ECM1: variants seen among roughly 807,000 people sequenced by gnomAD.
The protein encoded by ECM1 is extracellular matrix protein 1.
A neutral mutation model predicts 57.9 loss-of-function variants in ECM1; 54 were observed. The ratio of observed to expected loss-of-function variants is 0.93; its 90% CI spans 0.75 to 1.17. The LOEUF is 1.17. Among genes scored for constraint, ECM1 ranks in the 50% most tolerant of loss-of-function variants. ECM1 has a pLI of 0.00. For synonymous variants in ECM1, 237 were observed against 259.1 expected, an observed-to-expected ratio of 0.91 and a Z score of 0.82; for missense variants, 649 against 688.1, an observed-to-expected ratio of 0.94 and a Z score of 0.64.
Position 150,510,914 on chromosome 1 carries a change from C to A in ECM1, c.424C>A (p.Pro142Thr), listed in dbSNP as rs1161614941. Residue 142 changes from proline to threonine, a missense_variant, in exon 6 of 10, where the codon CCT (proline) becomes ACT (threonine). Coordinates refer to ENST00000369047, the MANE Select transcript of ECM1 (RefSeq NM_004425.4). ...APFGDQSHPE[P>T]ESWNAAQHCQ... The stretch of plus-strand genomic sequence containing the variant: ...ATTTGGGGACCAGAGCCATCCAGAA[C>A]CTGAGTCCTGGAATGCAGCCCAGCA... The A allele has an allele frequency of 1.2e-6, 2 of 1,614,186 alleles. No individual in the cohort carries two copies. Among genetic ancestry groups the A allele is most frequent in the East Asian group, 2.2e-5 (1 of 44,888 alleles).
At position 150,510,962 on chromosome 1, in the gene ECM1, G is replaced by A. The variant is rs1349617826; in HGVS notation, c.472G>A (p.Gly158Arg). 14 of 1,614,050 alleles carry A rather than the reference G, an allele frequency of 8.7e-6. No homozygotes were observed. The South Asian group carries it at 1.2e-4, about 14-fold the overall frequency. The change falls in exon 6 of 10, where the codon GGG (glycine) becomes AGG (arginine). Residue 158 changes from glycine (G) to arginine (R), a missense_variant. Physicochemically the swap from Gly to Arg is moderately radical, Grantham distance 125. Coordinates refer to ENST00000369047, the MANE Select transcript of ECM1 (RefSeq NM_004425.4). ...AQHCQQDRSQGGWGHRLDGFP... is the reference protein window; with the variant it reads ...AQHCQQDRSQRGWGHRLDGFP... ...GCACTGCCAACAGGACCGGTCCCAAGGGGGCTGGGGCCACCGGCTGGATGG... is the reference window on the plus strand; with the variant it reads ...GCACTGCCAACAGGACCGGTCCCAAAGGGGCTGGGGCCACCGGCTGGATGG...
chr1:150,510,863 T>A lies in ECM1; in HGVS notation c.386-13T>A, dbSNP rs1670417970. The A allele has an allele frequency of 6.2e-7, 1 of 1,613,626 alleles. No homozygotes were observed. Among genetic ancestry groups the A allele is most frequent in the African/African-American group, 1.3e-5 (1 of 74,934 alleles). On this transcript the variant is annotated splice_polypyrimidine_tract_variant and intron_variant, in intron 5 of 9. Transcript: ENST00000369047. ...TCACATGTCCCCGCTTCCCACTGTT[T>A]TCCCCATTCCAGGAACGCCAGCTCC... is the stretch of plus-strand genomic sequence containing the variant.
At chr1:150,508,367 C>A in intron 1 of ECM1, 88 bp downstream of exon 1, 1 of 1,250,282 alleles carries the variant, frequency 8.0e-7, no homozygotes, top group Non-Finnish European at 1.2e-6. Flanking sequence ...TCATCACTAG[C>A]AGAGTGATTC....
At chr1:150,513,024 A>G (rs1232353618) in intron 9 of ECM1, among the ~76,000 whole-genome samples, 1 of 152,138 alleles carries the variant, frequency 6.6e-6, no homozygotes, top group South Asian at 2.1e-4. Flanking sequence ...TCTCCGGGCC[A>G]CAAGCTTCTG....
At chr1:150,510,333 A>T in intron 5 of ECM1, 151 bp downstream of exon 5, 1 of 742,454 alleles carries the variant, frequency 1.3e-6, no homozygotes, top group East Asian at 2.7e-5. Context: ...TTGTTTCTTC[A>T]TCTGTAAAAT....
At chr1:150,510,210 A>G (rs1206452949) in intron 5 of ECM1, 28 bp downstream of exon 5, 1 of 1,604,064 alleles carries the variant, frequency 6.2e-7, no homozygotes, top group Non-Finnish European at 8.5e-7. Flanking sequence ...TTCTTTACCC[A>G]CCTTTACCTC....
rs1560267703 is a variant in ECM1, at chr1:150,513,443, C to T, written c.1599C>T (p.Ser533=). The change falls in exon 10 of 10, where the codon TCC becomes TCT. Residue 533 remains serine, a synonymous_variant. Transcript: ENST00000369047. ...QGSTGGTNIS[S]TSEPKEE ...CAACTGGAGGAACAAATATCAGCTC[C>T]ACCTCTGAGCCCAAGGAAGAATGAG... 6.2e-7 allele frequency: 1 copy of T among 1,613,552 alleles called. No individual in the cohort carries two copies. Among genetic ancestry groups the T allele is most frequent in the Non-Finnish European group, 8.5e-7 (1 of 1,180,006 alleles).
rs765798418 is a variant in ECM1, at chr1:150,512,851, G to T, written c.1392+39G>T. On this transcript the variant is annotated intron_variant, in intron 9 of 9. Coordinates refer to ENST00000369047, the MANE Select transcript of ECM1 (RefSeq NM_004425.4). Reference sequence around the variant, plus strand: ...GTCTAGTCTCCAGAGGAATGCAGGGGAGGGGAGGGAAAGAGCTAGAACTGC... The same window carrying T: ...GTCTAGTCTCCAGAGGAATGCAGGGTAGGGGAGGGAAAGAGCTAGAACTGC... 1.9e-6 allele frequency: 3 copies of T among 1,603,722 alleles called. No individual in the cohort carries two copies. The Admixed American group carries it at 5.0e-5, about 27-fold the overall frequency.
intron 9 of ECM1, 143 bp downstream of exon 9, chr1:150,512,955 C>A: frequency 1.0e-6 from 1 of 996,806 alleles, no homozygotes; most frequent in Non-Finnish European, 1.5e-6. Context: ...TTTCTTGGTT[C>A]CAGAAAAGTC....
intron 1 of ECM1, 133 bp downstream of exon 1, chr1:150,508,412 G>A: frequency 1.1e-6 from 1 of 903,374 alleles, no homozygotes; most frequent in East Asian, 2.5e-5. Flanking sequence ...CAGGCCCAAA[G>A]TGGGCCTAGG....
At chr1:150,512,298 A>T in intron 7 of ECM1, 54 bp from the exon 8 acceptor site, 1 of 1,586,820 alleles carries the variant, frequency 6.3e-7, no homozygotes, top group Non-Finnish European at 8.6e-7. Flanking sequence ...GTCGATGGTC[A>T]GGAGAGAAGG....
rs1226340378 is a variant in ECM1 at position 150,510,098 on chromosome 1, G to T, written c.305-4G>T. ...TCCTTGGTGCCCTCACCCCTATCTT[G>T]CAGTGGGTCCCCCTCTCCCTCAGGA... is the stretch of plus-strand genomic sequence containing the variant. On this transcript the variant is annotated splice_polypyrimidine_tract_variant and splice_region_variant and intron_variant, in intron 4 of 9. Transcript: ENST00000369047. The T allele has an allele frequency of 1.2e-6, 2 of 1,613,952 alleles. No homozygotes were observed. Among genetic ancestry groups the T allele is most frequent in the South Asian group, 2.2e-5 (2 of 91,084 alleles).
chr1:150,511,095 A>G lies in ECM1; in HGVS notation c.605A>G (p.His202Arg). ...PWNLPQSSYS[H>R]LTRQGETLNF... ...AACCTACCACAGTCCAGCTACTCCC[A>G]CCTCACTCGCCAGGGTGAGACCCTC... The change falls in exon 6 of 10, where the codon CAC (histidine) becomes CGC (arginine). Residue 202 changes from histidine to arginine, a missense_variant. Physicochemically the swap from His to Arg is conservative, Grantham distance 29. Coordinates refer to ENST00000369047, the MANE Select transcript of ECM1 (RefSeq NM_004425.4). 6.2e-7 allele frequency: 1 copy of G among 1,614,014 alleles called. No individual in the cohort carries two copies. Among genetic ancestry groups the G allele is most frequent in the South Asian group, 1.1e-5 (1 of 91,080 alleles).
At chr1:150,509,638 G>C in intron 2 of ECM1, 23 bp from the exon 3 acceptor site, 1 of 1,613,812 alleles carries the variant, frequency 6.2e-7, no homozygotes, top group Non-Finnish European at 8.5e-7. Flanking sequence ...TGTGGGCTCT[G>C]ATGTCTCCCC....
Position 150,512,448 on chromosome 1 carries a change from G to A in ECM1, c.1180G>A (p.Glu394Lys), listed in dbSNP as rs1290435314. ...CCACCCTCCCAGCCCTACTCGGGAT[G>A]AGTGCTTTGCCCGTCGGGCTCCTTA... The part of the protein sequence containing the change: ...CRHPPSPTRD[E>K]CFARRAPYPN... Residue 394 changes from glutamate (E) to lysine (K), a missense_variant, in exon 8 of 10, where the codon GAG (glutamate) becomes AAG (lysine). Transcript: ENST00000369047. The A allele has an allele frequency of 1.2e-6, 2 of 1,613,706 alleles. No homozygotes were observed. The highest frequency in any genetic ancestry group is 1.7e-6 in the Non-Finnish European group (2 of 1,179,964).
At position 150,512,403 on chromosome 1, in the gene ECM1, C is replaced by T; in HGVS notation, c.1135C>T (p.His379Tyr). 1 of 1,613,472 alleles carries T rather than the reference C, an allele frequency of 6.2e-7. No individual in the cohort carries two copies. The part of the protein sequence containing the change: ...YCDREYAVKT[H>Y]HHLCCRHPPS... The stretch of plus-strand genomic sequence containing the variant: ...TGACCGGGAGTATGCTGTGAAGACC[C>T]ACCACCACTTGTGTTGCCGCCACCC... The change falls in exon 8 of 10, where the codon CAC (histidine) becomes TAC (tyrosine). Residue 379 changes from histidine to tyrosine, a missense_variant. Coordinates refer to ENST00000369047, the MANE Select transcript of ECM1 (RefSeq NM_004425.4).
rs373027003 is a variant in ECM1 at position 150,510,009 on chromosome 1, G to T, written c.304+7G>T. ...CTCCCTGCTGAAAAGGAAGGTGAGCGCTTGCCCACCCTCCCTCACCTCTAT... is the reference window on the plus strand; with the variant it reads ...CTCCCTGCTGAAAAGGAAGGTGAGCTCTTGCCCACCCTCCCTCACCTCTAT... On this transcript the variant is annotated splice_region_variant and intron_variant, in intron 4 of 9. Coordinates refer to ENST00000369047, the MANE Select transcript of ECM1 (RefSeq NM_004425.4). The T allele has an allele frequency of 1.2e-6, 2 of 1,614,070 alleles. No homozygotes were observed. Among genetic ancestry groups the T allele is most frequent in the Non-Finnish European group, 1.7e-6 (2 of 1,179,976 alleles).
intron 1 of ECM1, among the ~76,000 whole-genome samples, chr1:150,508,529 A>AG (rs992097595): frequency 2.6e-5 from 4 of 152,088 alleles, no homozygotes; most frequent in African/African-American, 9.7e-5. Context: ...TAGACAACTG[A>AG]GTGGGGGGTG....
chr1:150,511,153 C>A lies in ECM1; in HGVS notation c.663C>A (p.Cys221Ter). Residue 221 changes from cysteine (C) to a stop codon, truncating the protein, a stop_gained, in exon 6 of 10, where the codon TGC becomes TGA. Coordinates refer to ENST00000369047, the MANE Select transcript of ECM1 (RefSeq NM_004425.4). LOFTEE classifies it high-confidence loss of function. ...TGGAGATTGGATATTCCCGCTGCTG[C>A]CACTGCCGCAGCCACACAAACCGCC... Reference protein sequence around the residue: ...NFLEIGYSRCCHCRSHTNRLE... With the variant: ...NFLEIGYSRC The A allele has an allele frequency of 6.2e-7, 1 of 1,614,236 alleles. No homozygotes were observed. Among genetic ancestry groups the A allele is most frequent in the Non-Finnish European group, 8.5e-7 (1 of 1,180,046 alleles).
Sources: allele counts gnomAD v4.1 joint callset (sites outside exome capture counted in the v4.1 genomes callset), GRCh38; gene constraint gnomAD v4.1.1; transcripts MANE v1.5; gene names NCBI Gene and HGNC (gene_info 2026-07-23, HGNC 2026-07-21).